Variants in PHKB observed in about 807,000 individuals in gnomAD.
PHKB encodes the protein phosphorylase b kinase regulatory subunit beta.
In PHKB, 122 loss-of-function variants were observed where a neutral mutation model predicts 152.1. The ratio of observed to expected loss-of-function variants is 0.80; its 90% CI spans 0.69 to 0.93. The LOEUF (loss-of-function observed/expected upper bound fraction) is 0.93, where lower values mean the gene tolerates loss of function less well. Ranked by LOEUF, PHKB falls within the 40% of genes least tolerant of loss-of-function variation. The pLI, the probability that PHKB is intolerant of heterozygous loss-of-function variation, is 0.00. For synonymous variants in PHKB, 436 were observed against 464.9 expected (o/e 0.94, Z 0.80); for missense variants, 1,304 against 1,328.4 (o/e 0.98, Z 0.29).
chr16:47,571,942 C>T (rs1457911158), intron 7 of PHKB, among the ~76,000 whole-genome samples: 1 of 152,086 alleles, frequency 6.6e-6, no homozygotes, highest in Non-Finnish European at 1.5e-5. Context: ...GTGATCTATG[C>T]GGGCCAGACT....
intron 1 of PHKB, among the ~76,000 whole-genome samples, chr16:47,482,191 A>G (rs1046256213): frequency 6.6e-6 from 1 of 152,240 alleles, no homozygotes; most frequent in Non-Finnish European, 1.5e-5. Flanking sequence ...CATTGGAGCA[A>G]ATCACTGAAG....
intron 5 of PHKB, among the ~76,000 whole-genome samples, chr16:47,513,508 A>G (rs550389033): frequency 6.6e-6 from 1 of 152,246 alleles, no homozygotes; most frequent in Non-Finnish European, 1.5e-5. Context: ...CTGATATCCA[A>G]TGGACTCTTG....
chr16:47,571,623 A>G (rs1208112747), intron 7 of PHKB, among the ~76,000 whole-genome samples: 1 of 152,184 alleles, frequency 6.6e-6, no homozygotes, highest in African/African-American at 2.4e-5. Flanking sequence ...AAGGCGATGC[A>G]GTCACCCCAA....
intron 13 of PHKB, among the ~76,000 whole-genome samples, chr16:47,608,040 TTTA>T (rs1450971945): frequency 6.6e-6 from 1 of 152,072 alleles, no homozygotes; most frequent in Non-Finnish European, 1.5e-5. Flanking sequence ...TTTTTTTCTT[TTTA>T]TTATTATGTT....
chr16:47,645,066 G>C (rs1973091121), intron 16 of PHKB, among the ~76,000 whole-genome samples: 1 of 152,216 alleles, frequency 6.6e-6, no homozygotes, highest in South Asian at 2.1e-4. Context: ...CCATAGAAAA[G>C]GGAACAAATG....
intron 23 of PHKB, among the ~76,000 whole-genome samples, chr16:47,663,079 G>A (rs1160912913): frequency 6.6e-6 from 1 of 152,054 alleles, no homozygotes; most frequent in Admixed American, 6.6e-5. Context: ...TTTGTTAAAA[G>A]GCTGTAAAAA....
intron 25 of PHKB, among the ~76,000 whole-genome samples, chr16:47,667,395 C>T (rs1331004386): frequency 1.3e-5 from 2 of 152,150 alleles, no homozygotes; most frequent in Non-Finnish European, 2.9e-5. Flanking sequence ...TGATCATACA[C>T]TCCAGCCTGG....
At chr16:47,565,252 G>A in intron 7 of PHKB, 1 of 701,604 alleles carries the variant, frequency 1.4e-6, no homozygotes, top group Non-Finnish European at 2.7e-6. Context: ...ACTCCGTTCA[G>A]TGGTCTTTGT....
chr16:47,669,320 A>AG lies in PHKB; in HGVS notation c.2536dup (p.Glu846GlyfsTer19). On this transcript the variant is annotated frameshift_variant, in exon 26 of 31. Transcript: ENST00000323584. LOFTEE classifies it high-confidence loss of function. ...TTATAAGTGTAACACCCATGATGAG[A>AG]GGGAAGCGGTCATTCAGCAAGAACT... The AG allele has an allele frequency of 6.2e-7, 1 of 1,614,068 alleles. No individual in the cohort carries two copies. Among genetic ancestry groups the AG allele is most frequent in the Non-Finnish European group, 8.5e-7 (1 of 1,179,906 alleles).
At chr16:47,694,895 C>A (rs905374298) in intron 28 of PHKB, among the ~76,000 whole-genome samples, 1 of 152,174 alleles carries the variant, frequency 6.6e-6, no homozygotes, top group African/African-American at 2.4e-5. Context: ...CATGTAGTAT[C>A]CTTGCTTTGC....
chr16:47,607,579 A>G (rs1220463364), intron 13 of PHKB, among the ~76,000 whole-genome samples: 1 of 152,202 alleles, frequency 6.6e-6, no homozygotes, highest in African/African-American at 2.4e-5. Context: ...TTACCCATTC[A>G]TCAGGAGATG....
chr16:47,502,433 G>A (rs1970338536), intron 3 of PHKB, among the ~76,000 whole-genome samples: 1 of 152,114 alleles, frequency 6.6e-6, no homozygotes, highest in Admixed American at 6.6e-5. Flanking sequence ...TAAAACCAAA[G>A]AATATAAAGC....
chr16:47,559,090 T>A (rs1287138562), intron 7 of PHKB, among the ~76,000 whole-genome samples: 1 of 152,222 alleles, frequency 6.6e-6, no homozygotes, highest in African/African-American at 2.4e-5. Flanking sequence ...CTGGGTTAAC[T>A]GAATGTAAGT....
chr16:47,528,706 T>TC (rs1398233883), intron 6 of PHKB, among the ~76,000 whole-genome samples: 2 of 150,804 alleles, frequency 1.3e-5, no homozygotes, highest in African/African-American at 4.9e-5. Context: ...CTTTTTTTTT[T>TC]TTTTTTTATT....
At chr16:47,596,557 AT>A in intron 13 of PHKB, 26 bp downstream of exon 13, 5 of 1,604,224 alleles carry the variant, frequency 3.1e-6, no homozygotes, top group South Asian at 1.1e-5. Context: ...TGGGAATGGT[AT>A]TTTTTTCCTT....
chr16:47,548,335 A>C (rs1971209963), intron 7 of PHKB, among the ~76,000 whole-genome samples: 1 of 152,208 alleles, frequency 6.6e-6, no homozygotes, highest in South Asian at 2.1e-4. Context: ...GAGGCTGGGC[A>C]CGGTGGCTCA....
At chr16:47,536,855 C>G (rs1384823027) in intron 6 of PHKB, among the ~76,000 whole-genome samples, 1 of 152,088 alleles carries the variant, frequency 6.6e-6, no homozygotes, top group Non-Finnish European at 1.5e-5. Flanking sequence ...GGTCTTGGCT[C>G]TAAGTATAGT....
chr16:47,636,233 G>T (rs1420620231), intron 14 of PHKB, among the ~76,000 whole-genome samples: 3 of 152,230 alleles, frequency 2.0e-5, no homozygotes, highest in Non-Finnish European at 4.4e-5. Flanking sequence ...TTAAGAGAAA[G>T]GTCAAGACCA....
At chr16:47,598,278 A>C (rs1370969461) in intron 13 of PHKB, among the ~76,000 whole-genome samples, 1 of 152,188 alleles carries the variant, frequency 6.6e-6, no homozygotes, top group Admixed American at 6.5e-5. Flanking sequence ...TATAATAGTT[A>C]AGGACCTTTT....
Sources: allele counts gnomAD v4.1 joint callset (sites outside exome capture counted in the v4.1 genomes callset), GRCh38; gene constraint gnomAD v4.1.1; transcripts MANE v1.5; gene names NCBI Gene and HGNC (gene_info 2026-07-23, HGNC 2026-07-21).